Variants in TTC33 observed in about 807,000 individuals in gnomAD.
TTC33 encodes the protein tetratricopeptide repeat domain 33.
A neutral mutation model predicts 29.4 loss-of-function variants in TTC33; 24 were observed. The ratio of observed to expected loss-of-function variants is 0.82; its 90% CI spans 0.59 to 1.15. The LOEUF (loss-of-function observed/expected upper bound fraction) is 1.15, where lower values mean the gene tolerates loss of function less well. Ranked by LOEUF, TTC33 falls within the 50% of genes most tolerant of loss-of-function variation. The pLI is 0.00. For synonymous variants in TTC33, 107 were observed against 100.3 expected (o/e 1.07, Z -0.40); for missense variants, 286 against 310.4 (o/e 0.92, Z 0.59).
chr5:40,752,810 A>G (rs946206184), intron 1 of TTC33, among the ~76,000 whole-genome samples: 3 of 152,246 alleles, frequency 2.0e-5, no homozygotes, highest in Non-Finnish European at 4.4e-5. Flanking sequence ...AAATAGCACG[A>G]AAAGACTTGC....
chr5:40,746,657 C>T, intron 2 of TTC33, 141 bp downstream of exon 2: 1 of 659,014 alleles, frequency 1.5e-6, no homozygotes, highest in South Asian at 2.5e-5. Flanking sequence ...CTTTGAAACA[C>T]CTTATTTCTT....
chr5:40,738,495 AATAC>A (rs1561151164), intron 2 of TTC33, among the ~76,000 whole-genome samples: 2 of 138,832 alleles, frequency 1.4e-5, no homozygotes, highest in African/African-American at 2.7e-5. Context: ...AATACAATAC[AATAC>A]AATACAATAA....
At chr5:40,748,397 T>C (rs1357496108) in intron 1 of TTC33, among the ~76,000 whole-genome samples, 1 of 152,088 alleles carries the variant, frequency 6.6e-6, no homozygotes, top group African/African-American at 2.4e-5. Context: ...AGTTTCACTA[T>C]GTTGGTGAGG....
intron 2 of TTC33, among the ~76,000 whole-genome samples, chr5:40,736,983 G>C (rs1199203324): frequency 6.6e-6 from 1 of 152,112 alleles, no homozygotes; most frequent in Non-Finnish European, 1.5e-5. Flanking sequence ...AATACTCTAA[G>C]GTAAGACTTC....
intron 2 of TTC33, among the ~76,000 whole-genome samples, chr5:40,734,673 T>C (rs1279749465): frequency 6.6e-6 from 1 of 152,232 alleles, no homozygotes; most frequent in African/African-American, 2.4e-5. Context: ...TTTAATGAGC[T>C]ATATAGTTAA....
intron 4 of TTC33, among the ~76,000 whole-genome samples, chr5:40,723,026 G>A (rs957933799): frequency 3.9e-4 from 59 of 152,302 alleles, no homozygotes; most frequent in African/African-American, 8.4e-4. Context: ...AGGAGAGATC[G>A]GATTGTTACT....
Position 40,716,379 on chromosome 5 carries a change from T to A in TTC33, c.555A>T (p.Lys185Asn), listed in dbSNP as rs1561141579. 1 of 1,614,116 alleles carries A rather than the reference T, an allele frequency of 6.2e-7. No homozygotes were observed. Among genetic ancestry groups the A allele is most frequent in the Non-Finnish European group, 8.5e-7 (1 of 1,180,030 alleles). Residue 185 changes from lysine (K) to asparagine (N), a missense_variant, in exon 5 of 5, where the codon AAA becomes AAT. Transcript: ENST00000337702. ...TTACTTCAGCTGGTGCTTCACTTTT[T>A]TTAATCCTCTGTGCTACCTTCTGCT... ...QEQQKVAQRI[K>N]KSEAPAEVTH...
intron 4 of TTC33, among the ~76,000 whole-genome samples, chr5:40,722,647 A>T (rs1742168307): frequency 6.6e-6 from 1 of 150,586 alleles, no homozygotes; most frequent in Non-Finnish European, 1.5e-5. Context: ...CCCGTCTGGG[A>T]AGTGAGGCGT....
chr5:40,753,930 C>A (rs1384662068), intron 1 of TTC33, among the ~76,000 whole-genome samples: 5 of 150,584 alleles, frequency 3.3e-5, no homozygotes, highest in Non-Finnish European at 3.0e-5. Context: ...AAAAAAAAAA[C>A]CGTTGATCAG....
intron 1 of TTC33, among the ~76,000 whole-genome samples, chr5:40,755,046 A>G (rs1202844350): frequency 6.6e-6 from 1 of 152,242 alleles, no homozygotes; most frequent in Non-Finnish European, 1.5e-5. Context: ...TGTTAAACTC[A>G]TGAAACCAGA....
At chr5:40,721,151 G>A (rs374241686) in intron 4 of TTC33, among the ~76,000 whole-genome samples, 1 of 152,136 alleles carries the variant, frequency 6.6e-6, no homozygotes, top group South Asian at 2.1e-4. Flanking sequence ...ACTACCAAAA[G>A]GACTGGCTTC....
chr5:40,717,818 C>G (rs1031688177), intron 4 of TTC33, among the ~76,000 whole-genome samples: 1 of 152,110 alleles, frequency 6.6e-6, no homozygotes, highest in African/African-American at 2.4e-5. Flanking sequence ...AATCCCAGCA[C>G]TCTGGGAGGT....
chr5:40,718,183 G>A (rs375742180), intron 4 of TTC33, among the ~76,000 whole-genome samples: 53 of 152,168 alleles, frequency 3.5e-4, no homozygotes, highest in Middle Eastern at 3.4e-3. Context: ...TTGGGAGGCC[G>A]AGGCGAAAGC....
At chr5:40,722,658 G>C (rs1306394104) in intron 4 of TTC33, among the ~76,000 whole-genome samples, 1 of 149,638 alleles carries the variant, frequency 6.7e-6, no homozygotes, top group Non-Finnish European at 1.5e-5. Flanking sequence ...AGTGAGGCGT[G>C]TCTCCGCCCC....
At chr5:40,734,261 A>G (rs1042596071) in intron 2 of TTC33, among the ~76,000 whole-genome samples, 1 of 152,224 alleles carries the variant, frequency 6.6e-6, no homozygotes, top group Non-Finnish European at 1.5e-5. Context: ...GGCACTGAAC[A>G]AATCAATAGT....
At chr5:40,741,257 G>A (rs927524522) in intron 2 of TTC33, among the ~76,000 whole-genome samples, 3 of 152,160 alleles carry the variant, frequency 2.0e-5, no homozygotes, top group South Asian at 2.1e-4. Flanking sequence ...GTTTTCTAGG[G>A]AAGGTCTGAA....
chr5:40,722,500 G>A (rs1429871936), intron 4 of TTC33, among the ~76,000 whole-genome samples: 1 of 150,304 alleles, frequency 6.7e-6, no homozygotes, highest in Non-Finnish European at 1.5e-5. Flanking sequence ...GGGATGTGGG[G>A]AGCGCCTCTG....
At chr5:40,731,505 G>A (rs1011578167) in intron 2 of TTC33, among the ~76,000 whole-genome samples, 60 of 152,306 alleles carry the variant, frequency 3.9e-4, no homozygotes, top group African/African-American at 1.3e-3. Flanking sequence ...TTACAAGGAT[G>A]GCAGAAGGGG....
At chr5:40,738,107 T>C (rs891099305) in intron 2 of TTC33, among the ~76,000 whole-genome samples, 6 of 152,130 alleles carry the variant, frequency 3.9e-5, no homozygotes, top group Non-Finnish European at 8.8e-5. Context: ...CAATAAAGTA[T>C]ATATTTAACT....
Sources: gnomAD v4.1 joint callset for allele counts (sites outside exome capture counted in the v4.1 genomes callset) on GRCh38, gnomAD v4.1.1 for gene constraint, MANE v1.5 for transcripts, NCBI Gene and HGNC (gene_info 2026-07-23, HGNC 2026-07-21) for gene names.